PPP1R1C: variants seen among roughly 807,000 people sequenced by gnomAD.
PPP1R1C encodes protein phosphatase 1 regulatory inhibitor subunit 1C.
Under a neutral mutation model 17.4 loss-of-function variants are expected in PPP1R1C, and 15 were observed. That is an observed-to-expected ratio of 0.86 (90% confidence interval 0.58 to 1.33). PPP1R1C has a LOEUF of 1.33. Among genes scored for constraint, PPP1R1C ranks in the 40% most tolerant of loss-of-function variants. The pLI is 0.00. For missense variants in PPP1R1C, 143 were observed against 130.0 expected, an observed-to-expected ratio of 1.10 and a Z score of -0.48; for synonymous variants, 35 against 43.1, an observed-to-expected ratio of 0.81 and a Z score of 0.73.
chr2:182,115,877 T>G (rs1200029314), intron 4 of PPP1R1C, among the ~76,000 whole-genome samples: 4 of 152,118 alleles, frequency 2.6e-5, no homozygotes, highest in Non-Finnish European at 5.9e-5. Flanking sequence ...AGGAATGACT[T>G]CCTTTCATTT....
At chr2:182,111,730 TTATAAA>T (rs1454147134) in intron 4 of PPP1R1C, among the ~76,000 whole-genome samples, 3 of 151,478 alleles carry the variant, frequency 2.0e-5, no homozygotes, top group African/African-American at 7.3e-5. Flanking sequence ...AGTCATAAAA[TTATAAA>T]TATATATAAC....
intron 2 of PPP1R1C, among the ~76,000 whole-genome samples, chr2:182,053,518 G>A (rs189952988): frequency 9.9e-5 from 15 of 152,130 alleles, no homozygotes; most frequent in South Asian, 6.2e-4. Flanking sequence ...GTTATTGCAG[G>A]TGAGATTTTT....
At chr2:182,045,426 C>CT (rs1198383103) in intron 2 of PPP1R1C, among the ~76,000 whole-genome samples, 2 of 121,762 alleles carry the variant, frequency 1.6e-5, no homozygotes, top group Admixed American at 1.8e-4. Context: ...ATTGACCTCT[C>CT]TTTCTGTTAG....
chr2:182,098,339 C>A (rs1015716182), intron 4 of PPP1R1C, among the ~76,000 whole-genome samples: 126 of 152,168 alleles, frequency 8.3e-4, no homozygotes, highest in African/African-American at 2.8e-3. Flanking sequence ...GTAATAGAAA[C>A]AAAAAATGCT....
At chr2:182,115,426 A>G (rs12623909) in intron 4 of PPP1R1C, among the ~76,000 whole-genome samples, 53,544 of 151,932 alleles carry the variant, frequency 0.35, 10,041 homozygotes, top group Non-Finnish European at 0.41. Flanking sequence ...GCATCACAAT[A>G]CTCTTACAAC....
intron 4 of PPP1R1C, among the ~76,000 whole-genome samples, chr2:182,066,470 G>C (rs1687986634): frequency 6.6e-6 from 1 of 152,016 alleles, no homozygotes; most frequent in South Asian, 2.1e-4. Flanking sequence ...CCCTGCAGCA[G>C]CCCATATATC....
chr2:182,010,862 A>G (rs1200827169), intron 2 of PPP1R1C, among the ~76,000 whole-genome samples: 2 of 152,012 alleles, frequency 1.3e-5, no homozygotes, highest in Non-Finnish European at 2.9e-5. Context: ...ATGCTTTTTC[A>G]TCATCAATTG....
At chr2:182,112,424 G>A (rs1006072072) in intron 4 of PPP1R1C, among the ~76,000 whole-genome samples, 20 of 152,036 alleles carry the variant, frequency 1.3e-4, no homozygotes, top group Admixed American at 2.0e-4. Flanking sequence ...AAGTTATACC[G>A]AAATCTATCC....
chr2:181,997,228 C>CAAAAAAA (rs61015359), intron 2 of PPP1R1C, among the ~76,000 whole-genome samples: 1 of 102,846 alleles, frequency 9.7e-6, no homozygotes, highest in Non-Finnish European at 2.1e-5. Flanking sequence ...GACTCCGTCT[C>CAAAAAAA]AAAAAAAAAA....
At chr2:181,989,550 C>T (rs1356339591) in intron 2 of PPP1R1C, among the ~76,000 whole-genome samples, 1 of 152,142 alleles carries the variant, frequency 6.6e-6, no homozygotes, top group East Asian at 1.9e-4. Flanking sequence ...TATAAACAAG[C>T]AAATCCAAAC....
At chr2:182,067,664 C>T (rs902282716) in intron 4 of PPP1R1C, among the ~76,000 whole-genome samples, 3 of 152,096 alleles carry the variant, frequency 2.0e-5, no homozygotes, top group African/African-American at 7.2e-5. Flanking sequence ...ATGGGTTGTT[C>T]ACCCCACAAA....
At chr2:182,053,891 C>T (rs1373110927) in intron 2 of PPP1R1C, among the ~76,000 whole-genome samples, 16 of 152,066 alleles carry the variant, frequency 1.1e-4, no homozygotes, top group African/African-American at 4.8e-5. Flanking sequence ...AGTGATTCTC[C>T]TGCCTCAGCC....
At chr2:182,091,490 A>AT (rs138604714) in intron 4 of PPP1R1C, among the ~76,000 whole-genome samples, 6,581 of 67,356 alleles carry the variant, frequency 0.098, 491 homozygotes, top group African/African-American at 0.21. Flanking sequence ...AAAAATAATA[A>AT]AAAAAAAAGG....
chr2:182,078,135 G>A (rs1051144096), intron 4 of PPP1R1C, among the ~76,000 whole-genome samples: 10 of 152,166 alleles, frequency 6.6e-5, no homozygotes, highest in African/African-American at 1.7e-4. Context: ...AGCTGAGACC[G>A]TGCCACTGCA....
intron 5 of PPP1R1C, among the ~76,000 whole-genome samples, chr2:182,124,314 GTT>G (rs796745919): frequency 1.9e-4 from 8 of 42,076 alleles, no homozygotes; most frequent in East Asian, 7.1e-4. Context: ...GTTTTTTTTT[GTT>G]TTTTTTTTTT....
intron 2 of PPP1R1C, among the ~76,000 whole-genome samples, chr2:181,999,569 T>C (rs1186230909): frequency 6.6e-6 from 1 of 152,168 alleles, no homozygotes; most frequent in Non-Finnish European, 1.5e-5. Context: ...TTTCATGGAA[T>C]AAAATATAAG....
At chr2:182,053,048 G>C (rs1687573086) in intron 2 of PPP1R1C, among the ~76,000 whole-genome samples, 2 of 152,176 alleles carry the variant, frequency 1.3e-5, no homozygotes, top group African/African-American at 2.4e-5. Context: ...AGAAAAACAG[G>C]CTTAGTACAC....
chr2:182,109,911 A>G (rs1029007426), intron 4 of PPP1R1C, among the ~76,000 whole-genome samples: 1 of 152,206 alleles, frequency 6.6e-6, no homozygotes, highest in Admixed American at 6.5e-5. Context: ...TTTGTGCTCC[A>G]TAAAAAGCAT....
chr2:182,017,650 A>G (rs1043372706), intron 2 of PPP1R1C, among the ~76,000 whole-genome samples: 21 of 152,168 alleles, frequency 1.4e-4, no homozygotes, highest in Non-Finnish European at 2.9e-4. Flanking sequence ...CTGTAGATGC[A>G]GTGATGAAGA....
Sources: allele counts gnomAD v4.1 joint callset (sites outside exome capture counted in the v4.1 genomes callset), GRCh38; gene constraint gnomAD v4.1.1; transcripts MANE v1.5; gene names NCBI Gene and HGNC (gene_info 2026-07-23, HGNC 2026-07-21).